The following KIF26B variants were observed in gnomAD, a reference collection of about 807,000 sequenced individuals.
KIF26B encodes kinesin-like protein KIF26B.
KIF26B carries 63 observed loss-of-function variants against 151.2 expected under a neutral mutation model. The ratio of observed to expected loss-of-function variants is 0.42; its 90% confidence interval spans 0.34 to 0.51. The LOEUF (loss-of-function observed/expected upper bound fraction) is 0.51. KIF26B is among the 20% of genes least tolerant of loss of function. The probability of loss-of-function intolerance (pLI) is 0.07; values close to 1 mark genes in which losing one functional copy is unlikely to be tolerated. For synonymous variants in KIF26B, 1,357 were observed against 1,262.1 expected, an observed-to-expected ratio of 1.08 and a Z score of -1.59; for missense variants, 2,813 against 2,913.6, an observed-to-expected ratio of 0.97 and a Z score of 0.79.
intron 3 of KIF26B, chr1:245,371,356 T>A (rs944120120): frequency 3.9e-5 from 6 of 152,198 alleles, no homozygotes; most frequent in African/African-American, 1.4e-4. Flanking sequence ...TCAGAGACGG[T>A]TGACTGCTCT....
chr1:245,354,584 G>A lies in KIF26B; in HGVS notation c.466-12250G>A, dbSNP rs114930670. Among the ~76,000 whole-genome samples the A allele has an allele frequency of 9.0e-3, 1,366 of 152,322 alleles. 21 individuals carry two copies. The highest frequency in any genetic ancestry group is 0.03 in the African/African-American group (1,266 of 41,580). On this transcript the variant is annotated intron_variant, in intron 2 of 14. Transcript: ENST00000407071. ...GGGGGAGTTGGAGGCTGGGCCAGGC[G>A]GTCAGGATCTGCATTCCACCAGCCC...
intron 10 of KIF26B, among the ~76,000 whole-genome samples, chr1:245,656,073 A>G (rs1020418194): frequency 4.0e-5 from 6 of 151,672 alleles, no homozygotes; most frequent in Admixed American, 4.0e-4. Context: ...TAAGTTTTCC[A>G]TTTATTCATT....
chr1:245,203,501 A>G (rs1669342836), intron 2 of KIF26B, among the ~76,000 whole-genome samples: 1 of 152,172 alleles, frequency 6.6e-6, no homozygotes, highest in Non-Finnish European at 1.5e-5. Flanking sequence ...CATATGCCCA[A>G]ACAGCATAGA....
At chr1:245,262,357 C>T (rs774742125) in intron 2 of KIF26B, among the ~76,000 whole-genome samples, 13 of 152,220 alleles carry the variant, frequency 8.5e-5, no homozygotes, top group South Asian at 2.1e-4. Flanking sequence ...AGACATGGGG[C>T]GGGTCTTCTG....
At chr1:245,608,968 G>T (rs1023703446) in intron 7 of KIF26B, among the ~76,000 whole-genome samples, 3 of 151,930 alleles carry the variant, frequency 2.0e-5, no homozygotes, top group Admixed American at 6.6e-5. Flanking sequence ...TGCCCAGACT[G>T]GCCTGGAACT....
chr1:245,358,982 A>G lies in KIF26B; in HGVS notation c.466-7852A>G, dbSNP rs948920538. Among the ~76,000 whole-genome samples the G allele has an allele frequency of 7.9e-5, 12 of 151,992 alleles. No homozygotes were observed. The highest frequency in any genetic ancestry group is 2.7e-4 in the African/African-American group (11 of 41,372). On this transcript the variant is annotated intron_variant, in intron 2 of 14. Transcript: ENST00000407071. The surrounding 1 kb of genome is among the most constrained non-coding windows in gnomAD (Gnocchi z 4.1). ...GGATATACTGGAGAACAAGATTTTCAGGGTTGAAGATACGCTGATGTGAAA... is the reference window on the plus strand; with the variant it reads ...GGATATACTGGAGAACAAGATTTTCGGGGTTGAAGATACGCTGATGTGAAA...
intron 2 of KIF26B, among the ~76,000 whole-genome samples, chr1:245,258,066 C>A (rs181278933): frequency 9.5e-4 from 145 of 152,180 alleles, no homozygotes; most frequent in African/African-American, 2.9e-3. Context: ...TTGTCACATT[C>A]TCCGGTGGTG....
intron 10 of KIF26B, among the ~76,000 whole-genome samples, chr1:245,679,011 C>T (rs1354489542): frequency 6.6e-6 from 1 of 152,062 alleles, no homozygotes; most frequent in Admixed American, 6.5e-5. Flanking sequence ...GTAGTCAGGA[C>T]CTGCATTCTC....
At chr1:245,578,809 C>T (rs1237374530) in intron 5 of KIF26B, among the ~76,000 whole-genome samples, 1 of 152,204 alleles carries the variant, frequency 6.6e-6, no homozygotes, top group Non-Finnish European at 1.5e-5. Context: ...CACAGGATTT[C>T]ATTTAGTGGC....
At chr1:245,203,241 T>C (rs1273489683) in intron 2 of KIF26B, among the ~76,000 whole-genome samples, 23 of 1,032 alleles carry the variant, frequency 0.022, no homozygotes, top group African/African-American at 0.07. Context: ...AGCGCGACTC[T>C]GTCTCAAAAA....
At chr1:245,566,610 T>A (rs775594789) in intron 5 of KIF26B, among the ~76,000 whole-genome samples, 1 of 152,184 alleles carries the variant, frequency 6.6e-6, no homozygotes, top group Non-Finnish European at 1.5e-5. Flanking sequence ...AACAAAAGCT[T>A]TCAAGCGCAA....
chr1:245,433,529 G>A (rs940195891), intron 4 of KIF26B, among the ~76,000 whole-genome samples: 1 of 151,894 alleles, frequency 6.6e-6, no homozygotes, highest in African/African-American at 2.4e-5. Context: ...GTGCTTGCAA[G>A]CAGCACAGTT....
chr1:245,688,765 A>G lies in KIF26B; in HGVS notation c.5782A>G (p.Arg1928Gly). ...CGAGAACAGCAGCTCCGTGGGCGGC[A>G]GGTGCCGGAGCCTCAAGACCCCGAA... ...TSENSSSVGG[R>G]CRSLKTPKKR... Residue 1928 changes from arginine (R) to glycine (G), a missense_variant, in exon 12 of 15, where the codon AGG becomes GGG. This residue lies in a region of KIF26B where 2,060 missense variants were observed against 2,088.6 expected (regional missense o/e 0.99). Transcript: ENST00000407071. 6.3e-7 allele frequency: 1 copy of G among 1,597,884 alleles called. No homozygotes were observed.
chr1:245,440,697 GTTTCTGAAA>G (rs1206134001), intron 4 of KIF26B, among the ~76,000 whole-genome samples: 1 of 152,196 alleles, frequency 6.6e-6, no homozygotes, highest in Non-Finnish European at 1.5e-5. Context: ...CTTCTAGTCT[GTTTCTGAAA>G]TAGTCTTTTC....
At chr1:245,159,542 G>T (rs1366734781) in intron 2 of KIF26B, among the ~76,000 whole-genome samples, 1 of 152,178 alleles carries the variant, frequency 6.6e-6, no homozygotes, top group Non-Finnish European at 1.5e-5. Context: ...AGATATGAGG[G>T]TTGATGATTA....
intron 5 of KIF26B, among the ~76,000 whole-genome samples, chr1:245,577,671 C>T (rs1329522098): frequency 3.4e-5 from 5 of 147,342 alleles, no homozygotes; most frequent in Non-Finnish European, 7.4e-5. Flanking sequence ...ATCTCCTCAC[C>T]GGAAGAGCTT....
intron 5 of KIF26B, among the ~76,000 whole-genome samples, chr1:245,591,256 C>G (rs1486128940): frequency 6.6e-6 from 1 of 152,196 alleles, no homozygotes; most frequent in African/African-American, 2.4e-5. Context: ...CCTGGTCACA[C>G]AGCGACCAAG....
At chr1:245,542,904 C>T (rs1482924707) in intron 5 of KIF26B, among the ~76,000 whole-genome samples, 1 of 152,166 alleles carries the variant, frequency 6.6e-6, no homozygotes, top group Non-Finnish European at 1.5e-5. Context: ...CCTTCCCCTC[C>T]TGTACTCTAA....
At chr1:245,692,745 G>T (rs915533859) in intron 12 of KIF26B, among the ~76,000 whole-genome samples, 1 of 152,152 alleles carries the variant, frequency 6.6e-6, no homozygotes, top group Non-Finnish European at 1.5e-5. Context: ...GTTGGCAATG[G>T]GGAGTCATTA....
Sources: gnomAD v4.1 joint callset for allele counts (sites outside exome capture counted in the v4.1 genomes callset) on GRCh38, gnomAD v4.1.1 for gene constraint, gnomAD v4.1.1 regional missense constraint, Gnocchi (gnomAD v3.1) non-coding constraint, MANE v1.5 for transcripts, NCBI Gene and HGNC (gene_info 2026-07-23, HGNC 2026-07-21) for gene names.